The following CFAP57 variants were observed in gnomAD, a reference collection of about 807,000 sequenced individuals.
CFAP57 encodes cilia- and flagella-associated protein 57.
In CFAP57, 116 loss-of-function variants were observed where a neutral mutation model predicts 146.8. The ratio of observed to expected loss-of-function variants is 0.79; its 90% CI spans 0.68 to 0.92. CFAP57 has a LOEUF of 0.92. Ranked by LOEUF, CFAP57 falls within the 40% of genes least tolerant of loss-of-function variation. CFAP57 has a pLI of 0.00. For missense variants in CFAP57, 1,377 were observed against 1,527.2 expected, an observed-to-expected ratio of 0.90 and a Z score of 1.64; for synonymous variants, 518 against 552.8, an observed-to-expected ratio of 0.94 and a Z score of 0.88.
At chr1:43,210,370 A>C (rs539809892) in intron 11 of CFAP57, 2 of 1,295,766 alleles carry the variant, frequency 1.5e-6, no homozygotes, top group East Asian at 3.3e-5. Context: ...CCTTCCATTC[A>C]CCCTTCTCAT....
intron 9 of CFAP57, among the ~76,000 whole-genome samples, chr1:43,204,072 A>G (rs777914274): frequency 5.3e-5 from 8 of 152,224 alleles, no homozygotes; most frequent in Admixed American, 1.3e-4. Context: ...CACAATCTCT[A>G]TTGAGCTATT....
intron 11 of CFAP57, chr1:43,210,413 G>A: frequency 1.7e-6 from 2 of 1,184,158 alleles, no homozygotes; most frequent in Non-Finnish European, 2.1e-6. Flanking sequence ...GTCAAAATGT[G>A]GAAGCAACCA....
intron 21 of CFAP57, among the ~76,000 whole-genome samples, chr1:43,242,186 T>A (rs1645951341): frequency 6.6e-6 from 1 of 152,172 alleles, no homozygotes; most frequent in African/African-American, 2.4e-5. Context: ...GGTGACTCCT[T>A]CAAGCCTCAG....
chr1:43,235,927 CA>C (rs2124627614), intron 21 of CFAP57, among the ~76,000 whole-genome samples: 1 of 152,328 alleles, frequency 6.6e-6, no homozygotes, highest in Admixed American at 6.5e-5. Context: ...GCAGCCAAAG[CA>C]AACATCGATG....
chr1:43,226,495 C>T (rs1645247908), intron 17 of CFAP57, among the ~76,000 whole-genome samples: 1 of 152,228 alleles, frequency 6.6e-6, no homozygotes, highest in South Asian at 2.1e-4. Context: ...AGATGCCCTC[C>T]CCCAATGCAG....
intron 16 of CFAP57, 48 bp from the exon 17 acceptor site, chr1:43,223,998 A>T (rs1645147341): frequency 6.5e-7 from 1 of 1,545,848 alleles, no homozygotes; most frequent in South Asian, 1.2e-5. Context: ...AGGGATGGAG[A>T]TGAGTTCTGA....
In CFAP57 at chr1:43,201,861, C is replaced by T. The variant is rs1644139237; in HGVS notation, c.1542+2358C>T. Among the ~76,000 whole-genome samples the T allele has an allele frequency of 6.6e-6, 1 of 152,200 alleles. No homozygotes were observed. ...AACTACTGACCTCAGGTGATCCACC[C>T]ACCTCGGCCTCCCAAAGTCCTGGGA... On this transcript the variant is annotated intron_variant, in intron 9 of 22. Coordinates refer to ENST00000372492, the MANE Select transcript of CFAP57 (RefSeq NM_001378189.1). This position sits in a 1 kb window ranked among gnomAD's most constrained non-coding sequence, Gnocchi z 4.4.
chr1:43,234,254 C>T, intron 19 of CFAP57, 25 bp from the exon 20 acceptor site: 2 of 1,535,618 alleles, frequency 1.3e-6, no homozygotes, highest in Non-Finnish European at 1.8e-6. Context: ...CCTACAGCAC[C>T]AGAAGGAAAC....
At chr1:43,198,161 C>G (rs964074581) in intron 7 of CFAP57, among the ~76,000 whole-genome samples, 1 of 152,176 alleles carries the variant, frequency 6.6e-6, no homozygotes, top group Non-Finnish European at 1.5e-5. Flanking sequence ...ACCCCCACCC[C>G]CTACTGTTTT....
At chr1:43,202,798 TG>T (rs1320245281) in intron 9 of CFAP57, among the ~76,000 whole-genome samples, 1 of 132,696 alleles carries the variant, frequency 7.5e-6, no homozygotes, top group Non-Finnish European at 1.6e-5. Context: ...AAAAACAAAA[TG>T]AAAAAAAAAT....
intron 2 of CFAP57, among the ~76,000 whole-genome samples, chr1:43,179,887 C>T (rs1645319722): frequency 6.6e-6 from 1 of 151,706 alleles, no homozygotes; most frequent in African/African-American, 2.4e-5. Flanking sequence ...TTTCATGGCC[C>T]CCTCCTTCAT....
At chr1:43,181,261 G>A (rs1484456840) in intron 2 of CFAP57, among the ~76,000 whole-genome samples, 1 of 152,008 alleles carries the variant, frequency 6.6e-6, no homozygotes, top group Non-Finnish European at 1.5e-5. Flanking sequence ...TAGTAGAGAT[G>A]GGGTTTCACC....
intron 13 of CFAP57, among the ~76,000 whole-genome samples, chr1:43,220,683 C>G (rs1645009103): frequency 6.6e-6 from 1 of 152,084 alleles, no homozygotes; most frequent in Non-Finnish European, 1.5e-5. Flanking sequence ...ATGATCTCTG[C>G]ACTGCACTCC....
At chr1:43,223,313 C>A (rs774857738) in intron 16 of CFAP57, among the ~76,000 whole-genome samples, 2 of 152,016 alleles carry the variant, frequency 1.3e-5, no homozygotes, top group Non-Finnish European at 2.9e-5. Context: ...TCTGAGATAA[C>A]CCTCCGATGG....
At chr1:43,229,150 C>A (rs1301658372) in intron 18 of CFAP57, among the ~76,000 whole-genome samples, 1 of 149,018 alleles carries the variant, frequency 6.7e-6, no homozygotes, top group African/African-American at 2.5e-5. Flanking sequence ...ACACCACAGG[C>A]CCCTGGAAAT....
At chr1:43,195,600 C>A (rs1484248109) in intron 6 of CFAP57, among the ~76,000 whole-genome samples, 2 of 151,472 alleles carry the variant, frequency 1.3e-5, no homozygotes, top group Non-Finnish European at 2.9e-5. Context: ...TGAAGACAAT[C>A]CACATGTTCA....
Position 43,206,766 on chromosome 1 carries a change from G to A in CFAP57, c.1589G>A (p.Gly530Asp). ...WNADDSKLIS[G>D]GTDGAVYEWN... ...GCAGATGATAGCAAACTGATTTCTG[G>A]TGGCACAGATGGTGCTGTGTATGAA... The change falls in exon 10 of 23, where the codon GGT becomes GAT. Residue 530 changes from glycine to aspartate, a missense_variant. Physicochemically the swap from Gly to Asp is moderately conservative, Grantham distance 94. Coordinates refer to ENST00000372492, the MANE Select transcript of CFAP57 (RefSeq NM_001378189.1). The A allele has an allele frequency of 1.9e-6, 3 of 1,614,082 alleles. No individual in the cohort carries two copies. In the African/African-American group the frequency reaches 4.0e-5, roughly 22 times the overall value.
rs943642055 is a variant in CFAP57, at chr1:43,187,098, A to G, written c.1122+239A>G. ...ACAGACGTATTGGCATTGTCCATCA[A>G]ATTTAAATCTCACATATCCTTTTAC... On this transcript the variant is annotated intron_variant, in intron 6 of 22. Transcript: ENST00000372492. Among the ~76,000 whole-genome samples the G allele has an allele frequency of 4.0e-4, 61 of 152,296 alleles. 1 individual carries two copies. Among genetic ancestry groups the G allele is most frequent in the African/African-American group, 1.3e-3 (55 of 41,568 alleles).
chr1:43,172,847 T>G lies in CFAP57; in HGVS notation c.94T>G (p.Phe32Val). The G allele has an allele frequency of 6.2e-7, 1 of 1,614,166 alleles. No individual in the cohort carries two copies. The highest frequency in any genetic ancestry group is 8.5e-7 in the Non-Finnish European group (1 of 1,179,996). ...CTACTTCGATGAACAGATCATTATA[T>G]TTCCTTCAGGAAATCACTGTGTGAA... is the stretch of plus-strand genomic sequence containing the variant. The part of the protein sequence containing the change: ...IFYFDEQIII[F>V]PSGNHCVKYN... The change falls in exon 2 of 23, where the codon TTT (phenylalanine) becomes GTT (valine). Residue 32 changes from phenylalanine (F) to valine (V), a missense_variant. Physicochemically the swap from Phe to Val is conservative, Grantham distance 50. Transcript: ENST00000372492.
Sources: allele counts gnomAD v4.1 joint callset (sites outside exome capture counted in the v4.1 genomes callset), GRCh38; gene constraint gnomAD v4.1.1; non-coding constraint Gnocchi (gnomAD v3.1); transcripts MANE v1.5; gene names NCBI Gene and HGNC (gene_info 2026-07-23, HGNC 2026-07-21).